Variants in BMPER observed in about 807,000 individuals in gnomAD.
The protein encoded by BMPER is BMP-binding endothelial regulator protein.
Under a neutral mutation model 87.3 loss-of-function variants are expected in BMPER, and 45 were observed. That is an observed-to-expected ratio of 0.52 (90% CI 0.41 to 0.66). The LOEUF (loss-of-function observed/expected upper bound fraction) is 0.66. Among genes scored for constraint, BMPER ranks in the 30% least tolerant of loss-of-function variants. The probability of loss-of-function intolerance (pLI) is 0.00; values close to 1 mark genes in which losing one functional copy is unlikely to be tolerated. For missense variants in BMPER, 784 were observed against 867.5 expected, an observed-to-expected ratio of 0.90 and a Z score of 1.21; for synonymous variants, 326 against 316.2, an observed-to-expected ratio of 1.03 and a Z score of -0.33.
At chr7:34,143,921 G>GCTGA (rs1255684835) in intron 14 of BMPER, among the ~76,000 whole-genome samples, 1 of 152,192 alleles carries the variant, frequency 6.6e-6, no homozygotes, top group Non-Finnish European at 1.5e-5. Flanking sequence ...TGGGCATTGT[G>GCTGA]CTGACACTGG....
chr7:33,914,169 G>T (rs1562626869), intron 2 of BMPER, among the ~76,000 whole-genome samples: 2 of 151,944 alleles, frequency 1.3e-5, no homozygotes, highest in African/African-American at 4.8e-5. Flanking sequence ...GTTTCACCGT[G>T]TTAGCCAGGA....
chr7:34,036,661 C>T (rs557004186), intron 6 of BMPER, among the ~76,000 whole-genome samples: 46 of 152,256 alleles, frequency 3.0e-4, no homozygotes, highest in Non-Finnish European at 3.8e-4. Flanking sequence ...GTTCCCAGGG[C>T]ATTTGTTTAG....
intron 6 of BMPER, among the ~76,000 whole-genome samples, chr7:34,005,552 A>T (rs1019769703): frequency 1.3e-5 from 2 of 151,906 alleles, no homozygotes; most frequent in African/African-American, 4.8e-5. Context: ...GGCTCAGGCA[A>T]CCCTTCTGCC....
At chr7:33,921,025 ACCT>A (rs915406634) in intron 2 of BMPER, among the ~76,000 whole-genome samples, 76 of 151,646 alleles carry the variant, frequency 5.0e-4, no homozygotes, top group African/African-American at 1.8e-3. Flanking sequence ...TCTTTATCAA[ACCT>A]CCTTTAGTCA....
chr7:34,007,056 A>G (rs1357603197), intron 6 of BMPER, among the ~76,000 whole-genome samples: 1 of 152,094 alleles, frequency 6.6e-6, no homozygotes, highest in Non-Finnish European at 1.5e-5. Context: ...GAATTCAATG[A>G]GTGAATGAGG....
intron 7 of BMPER, among the ~76,000 whole-genome samples, chr7:34,048,926 T>G (rs891093890): frequency 6.6e-6 from 1 of 152,132 alleles, no homozygotes; most frequent in Non-Finnish European, 1.5e-5. Context: ...TTTTATGCTC[T>G]TTGAGGGTAA....
chr7:33,926,228 G>C (rs1340686521), intron 2 of BMPER, among the ~76,000 whole-genome samples: 1 of 152,212 alleles, frequency 6.6e-6, no homozygotes, highest in African/African-American at 2.4e-5. Flanking sequence ...TGGTCAGATA[G>C]ATCTGAAATC....
At chr7:34,006,060 T>C (rs2127938135) in intron 6 of BMPER, among the ~76,000 whole-genome samples, 1 of 152,196 alleles carries the variant, frequency 6.6e-6, no homozygotes, top group South Asian at 2.1e-4. Context: ...CCCTGCATGC[T>C]TGACAACTCT....
intron 11 of BMPER, among the ~76,000 whole-genome samples, chr7:34,076,602 G>A (rs1368643114): frequency 6.6e-6 from 1 of 152,070 alleles, no homozygotes; most frequent in African/African-American, 2.4e-5. Context: ...GTGCTCAGCT[G>A]TTTGTTTAAT....
intron 2 of BMPER, among the ~76,000 whole-genome samples, chr7:33,920,328 G>C (rs1279284266): frequency 6.6e-6 from 1 of 151,454 alleles, no homozygotes; most frequent in Non-Finnish European, 1.5e-5. Context: ...ACCAGGGAAG[G>C]CTAAAAAATG....
intron 13 of BMPER, 71 bp downstream of exon 13, chr7:34,086,163 T>C (rs1789203885): frequency 6.6e-7 from 1 of 1,521,984 alleles, no homozygotes; most frequent in Non-Finnish European, 9.0e-7. Context: ...GAACATGGTG[T>C]ATGAAATCTC....
intron 13 of BMPER, among the ~76,000 whole-genome samples, chr7:34,133,256 G>T (rs1410878346): frequency 6.6e-6 from 1 of 152,118 alleles, no homozygotes; most frequent in Non-Finnish European, 1.5e-5. Flanking sequence ...GGAGGGGAGA[G>T]GGGCTGAAAG....
intron 6 of BMPER, among the ~76,000 whole-genome samples, chr7:34,009,474 A>G (rs1222842277): frequency 2.0e-5 from 3 of 151,960 alleles, no homozygotes; most frequent in Non-Finnish European, 4.4e-5. Flanking sequence ...GCAGTTGCAT[A>G]CAAGACTGGT....
intron 13 of BMPER, among the ~76,000 whole-genome samples, chr7:34,118,027 C>T (rs1049768720): frequency 6.6e-6 from 1 of 152,060 alleles, no homozygotes; most frequent in Non-Finnish European, 1.5e-5. Flanking sequence ...TTCATTAAAA[C>T]AAAACAGGCC....
intron 13 of BMPER, among the ~76,000 whole-genome samples, chr7:34,117,346 T>C (rs1036561180): frequency 3.9e-5 from 6 of 152,174 alleles, no homozygotes; most frequent in African/African-American, 1.4e-4. Flanking sequence ...GTACTAGGCT[T>C]ACATTCCTAT....
chr7:34,119,446 A>G (rs529030266), intron 13 of BMPER, among the ~76,000 whole-genome samples: 1 of 152,346 alleles, frequency 6.6e-6, no homozygotes, highest in African/African-American at 2.4e-5. Flanking sequence ...CTTCAAAAAT[A>G]CTTCTAGTGG....
At chr7:33,924,481 C>A (rs1445988786) in intron 2 of BMPER, among the ~76,000 whole-genome samples, 1 of 152,198 alleles carries the variant, frequency 6.6e-6, no homozygotes, top group Non-Finnish European at 1.5e-5. Flanking sequence ...TCCCCTCTCA[C>A]CGTGCTCCAG....
intron 6 of BMPER, among the ~76,000 whole-genome samples, chr7:34,022,805 C>T (rs550502158): frequency 1.3e-5 from 2 of 151,900 alleles, no homozygotes; most frequent in East Asian, 2.0e-4. Context: ...TGCAGTGACC[C>T]GGAGTTTGTC....
intron 6 of BMPER, among the ~76,000 whole-genome samples, chr7:33,989,597 T>C (rs1786138876): frequency 6.6e-6 from 1 of 152,262 alleles, no homozygotes; most frequent in African/African-American, 2.4e-5. Flanking sequence ...TTTCTTTCAC[T>C]GTGCAGAAGC....
Sources: gnomAD v4.1 joint callset for allele counts (sites outside exome capture counted in the v4.1 genomes callset) on GRCh38, gnomAD v4.1.1 for gene constraint, MANE v1.5 for transcripts, NCBI Gene and HGNC (gene_info 2026-07-23, HGNC 2026-07-21) for gene names.